Variants in MAP2K6 observed in about 807,000 individuals in gnomAD.
The protein encoded by MAP2K6 is mitogen-activated protein kinase kinase 6.
A neutral mutation model predicts 53.7 loss-of-function variants in MAP2K6; 16 were observed. The observed-to-expected ratio is 0.30, with a 90% CI of 0.20 to 0.45. The LOEUF (loss-of-function observed/expected upper bound fraction) is 0.45. MAP2K6 is among the 20% of genes least tolerant of loss of function. MAP2K6 has a pLI of 1.00. For missense variants in MAP2K6, 204 were observed against 411.9 expected (o/e 0.50, Z 4.37); for synonymous variants, 132 against 143.1 (o/e 0.92, Z 0.55).
rs775105689 is a variant in MAP2K6, at chr17:69,552,288, C to A, written c.*10535C>A. The A allele has an allele frequency of 6.6e-6, 1 of 152,170 alleles. No individual in the cohort carries two copies. Among genetic ancestry groups the A allele is most frequent in the Non-Finnish European group, 1.5e-5 (1 of 68,042 alleles). The allele number at this position is 152,170 out of a possible 1,614,324, so 9.4% of individuals were successfully genotyped here. A position where few individuals can be genotyped will look rare whatever the true frequency, so the allele number is the denominator to read the frequency against. Reference sequence around the variant, plus strand: ...TACCTGAAATATTCTGAAAGGATATCGGAGAGGTCCTATGCACCCCTGTCT... The same window carrying A: ...TACCTGAAATATTCTGAAAGGATATAGGAGAGGTCCTATGCACCCCTGTCT... On this transcript the variant is annotated 3_prime_UTR_variant, in exon 12 of 12. Transcript: ENST00000590474.
At chr17:69,514,665 G>A (rs1280560886) in intron 2 of MAP2K6, among the ~76,000 whole-genome samples, 2 of 151,968 alleles carry the variant, frequency 1.3e-5, no homozygotes, top group African/African-American at 2.4e-5. Context: ...GGGTTCAAGC[G>A]ATTCTCCTGC....
chr17:69,479,303 A>G (rs1424251914), intron 1 of MAP2K6, among the ~76,000 whole-genome samples: 1 of 152,166 alleles, frequency 6.6e-6, no homozygotes, highest in Middle Eastern at 3.2e-3. Flanking sequence ...AAGCTCCAAA[A>G]TGTGAAACTT....
chr17:69,477,661 C>G (rs1031397545), intron 1 of MAP2K6: 2 of 152,116 alleles, frequency 1.3e-5, no homozygotes, highest in African/African-American at 4.8e-5. Flanking sequence ...TTGAACAAGC[C>G]ACACCTGGCT....
intron 1 of MAP2K6, among the ~76,000 whole-genome samples, chr17:69,492,546 C>T (rs1292745527): frequency 6.6e-6 from 1 of 152,190 alleles, no homozygotes; most frequent in Non-Finnish European, 1.5e-5. Flanking sequence ...GGCCAGAAGT[C>T]TACAGTGAAG....
intron 1 of MAP2K6, among the ~76,000 whole-genome samples, chr17:69,488,175 A>T (rs918202067): frequency 1.3e-5 from 2 of 152,244 alleles, no homozygotes; most frequent in Admixed American, 1.3e-4. Flanking sequence ...AAAAGAAGAC[A>T]TACAAAAAAA....
rs763637262 is a variant in MAP2K6 at position 69,523,641 on chromosome 17, C to T, written c.663C>T (p.Ala221=). The change falls in exon 8 of 12, where the codon GCC becomes GCT. Residue 221 remains alanine, a splice_region_variant and synonymous_variant. Coordinates refer to ENST00000590474, the MANE Select transcript of MAP2K6 (RefSeq NM_002758.4). Reference sequence around the variant, plus strand: ...ATGCAGGTTGCAAACCATACATGGCCGTAAGTACATTAGCTAGGGTGGCAT... The same window carrying T: ...ATGCAGGTTGCAAACCATACATGGCTGTAAGTACATTAGCTAGGGTGGCAT... ...TIDAGCKPYM[A]PERINPELNQ... 9 of 1,613,702 alleles carry T rather than the reference C, an allele frequency of 5.6e-6. No individual in the cohort carries two copies. The highest frequency in any genetic ancestry group is 2.2e-5 in the East Asian group (1 of 44,880).
intron 1 of MAP2K6, among the ~76,000 whole-genome samples, chr17:69,452,686 G>A (rs1415104469): frequency 6.6e-6 from 1 of 152,112 alleles, no homozygotes; most frequent in Non-Finnish European, 1.5e-5. Flanking sequence ...TCTTACAATA[G>A]CCTCTGTTTT....
At chr17:69,524,132 T>C (rs559820076) in intron 8 of MAP2K6, among the ~76,000 whole-genome samples, 2 of 152,118 alleles carry the variant, frequency 1.3e-5, no homozygotes, top group Non-Finnish European at 2.9e-5. Context: ...TGCCACCACA[T>C]GTGCGATTAG....
chr17:69,517,658 C>T (rs1282260904), intron 4 of MAP2K6, 45 bp downstream of exon 4: 1 of 1,335,968 alleles, frequency 7.5e-7, no homozygotes, highest in South Asian at 1.5e-5. Flanking sequence ...GCTGTGTATA[C>T]ATTTGTCCAC....
At chr17:69,426,747 A>G (rs1007099805) in intron 1 of MAP2K6, among the ~76,000 whole-genome samples, 6 of 152,064 alleles carry the variant, frequency 3.9e-5, no homozygotes, top group African/African-American at 1.4e-4. Context: ...GACTTCTAGT[A>G]TCCAGTGGCA....
intron 10 of MAP2K6, 40 bp downstream of exon 10, chr17:69,526,749 G>T: frequency 6.3e-7 from 1 of 1,597,586 alleles, no homozygotes; most frequent in Non-Finnish European, 8.5e-7. Flanking sequence ...TGTGAAAGAA[G>T]AAGATGAGTT....
chr17:69,422,037 T>C (rs1906099780), intron 1 of MAP2K6, among the ~76,000 whole-genome samples: 3 of 152,008 alleles, frequency 2.0e-5, no homozygotes, highest in Admixed American at 6.6e-5. Flanking sequence ...CGGTTCAGTA[T>C]GTAGTCCATA....
intron 1 of MAP2K6, among the ~76,000 whole-genome samples, chr17:69,446,035 G>C (rs1415025077): frequency 6.6e-6 from 1 of 152,190 alleles, no homozygotes; most frequent in Non-Finnish European, 1.5e-5. Context: ...CACCTAAGGA[G>C]TTAAGGGTTT....
intron 2 of MAP2K6, among the ~76,000 whole-genome samples, chr17:69,507,675 G>A (rs1252617813): frequency 6.6e-6 from 1 of 152,038 alleles, no homozygotes; most frequent in Non-Finnish European, 1.5e-5. Flanking sequence ...TTATTGCTAA[G>A]TACCCATCCA....
intron 1 of MAP2K6, among the ~76,000 whole-genome samples, chr17:69,460,422 G>C (rs1907586687): frequency 6.6e-6 from 1 of 152,196 alleles, no homozygotes. Context: ...AGCTGAAGGA[G>C]TATTGAGAGA....
At chr17:69,526,500 A>G in intron 9 of MAP2K6, 70 bp from the exon 10 acceptor site, 3 of 1,548,758 alleles carry the variant, frequency 1.9e-6, no homozygotes, top group Non-Finnish European at 1.7e-6. Context: ...CTATCCACAA[A>G]TGAAACGTGG....
rs944872090 is a variant in MAP2K6 at position 69,502,805 on chromosome 17, T to C, written c.17-2975T>C. On this transcript the variant is annotated intron_variant, in intron 1 of 11. Transcript: ENST00000590474. ...ACTTTACTATTATTTTGGTCTTTTA[T>C]TCCTTTGGTCTCTGTGCTAAAAACT... The C allele has an allele frequency of 2.0e-5, 13 of 650,818 alleles. No homozygotes were observed. The African/African-American group carries it at 2.6e-4, about 13-fold the overall frequency. The allele number at this position is 650,818 out of a possible 1,614,324, so 40.3% of individuals were successfully genotyped here. A position where few individuals can be genotyped will look rare whatever the true frequency, so the allele number is the denominator to read the frequency against.
At chr17:69,483,425 G>T (rs901617396) in intron 1 of MAP2K6, among the ~76,000 whole-genome samples, 1 of 151,996 alleles carries the variant, frequency 6.6e-6, no homozygotes, top group Non-Finnish European at 1.5e-5. Context: ...TACTCTGAAA[G>T]CTACACTGTT....
chr17:69,486,714 G>A (rs1307891545), intron 1 of MAP2K6, among the ~76,000 whole-genome samples: 1 of 152,182 alleles, frequency 6.6e-6, no homozygotes, highest in Non-Finnish European at 1.5e-5. Flanking sequence ...TTCTGCTAAA[G>A]TAATTTATGT....
Sources: gnomAD v4.1 joint callset for allele counts (sites outside exome capture counted in the v4.1 genomes callset) on GRCh38, gnomAD v4.1.1 for gene constraint, MANE v1.5 for transcripts, NCBI Gene and HGNC (gene_info 2026-07-23, HGNC 2026-07-21) for gene names.